The following CPNE3 variants were observed in gnomAD, a reference collection of about 807,000 sequenced individuals.
CPNE3 encodes copine 3.
A neutral mutation model predicts 63.9 loss-of-function variants in CPNE3; 68 were observed. That is an observed-to-expected ratio of 1.06 (90% CI 0.87 to 1.30). CPNE3 has a LOEUF of 1.30. CPNE3 is among the 50% of genes most tolerant of loss of function. The probability of loss-of-function intolerance (pLI) is 0.00; values close to 1 mark genes in which losing one functional copy is unlikely to be tolerated. For synonymous variants in CPNE3, 219 were observed against 197.5 expected (o/e 1.11, Z -0.91); for missense variants, 665 against 578.1 (o/e 1.15, Z -1.54).
rs1461202685 is a variant in CPNE3, at chr8:86,534,913, T to C, written c.459+2333T>C. Among the ~76,000 whole-genome samples the C allele has an allele frequency of 2.6e-5, 4 of 152,206 alleles. No homozygotes were observed. The East Asian group carries it at 7.7e-4, about 29-fold the overall frequency. On this transcript the variant is annotated intron_variant, in intron 6 of 16. Transcript: ENST00000517490. The stretch of plus-strand genomic sequence containing the variant: ...AAGTTTTTATGTTTGTGTGTTTTGT[T>C]CTGTTTTAGAATTGCTGTAAAGTAA...
intron 14 of CPNE3, chr8:86,553,887 G>C (rs537962303): frequency 3.9e-5 from 6 of 152,216 alleles, no homozygotes; most frequent in African/African-American, 1.4e-4. Context: ...GCTTGTGTGG[G>C]ATACAAGTTT....
chr8:86,520,385 G>A (rs1329378436), intron 2 of CPNE3, among the ~76,000 whole-genome samples: 1 of 151,758 alleles, frequency 6.6e-6, no homozygotes, highest in Non-Finnish European at 1.5e-5. Context: ...GTGAAACCCC[G>A]TCTCTACTAA....
Position 86,558,431 on chromosome 8 carries a change from T to G in CPNE3, c.*21T>G. ...AGTGACCACTTCAACAGAATTCTTT[T>G]GTGTTATGTGGAGCAATGCCATCTC... On this transcript the variant is annotated 3_prime_UTR_variant, in exon 17 of 17. Coordinates refer to ENST00000517490, the MANE Select transcript of CPNE3 (RefSeq NM_003909.5). The G allele has an allele frequency of 1.1e-6, 1 of 872,824 alleles. No homozygotes were observed. Among genetic ancestry groups the G allele is most frequent in the Non-Finnish European group, 2.0e-6 (1 of 501,538 alleles). The allele number at this position is 872,824 out of a possible 1,614,324, so 54.1% of individuals were successfully genotyped here. A position where few individuals can be genotyped will look rare whatever the true frequency, so the allele number is the denominator to read the frequency against.
intron 1 of CPNE3, chr8:86,515,223 C>G (rs1381003039): frequency 6.6e-6 from 1 of 152,224 alleles, no homozygotes; most frequent in Non-Finnish European, 1.5e-5. Flanking sequence ...CCGTTGGGAC[C>G]GAGCAGATCA....
chr8:86,544,913 C>A, intron 9 of CPNE3, 75 bp downstream of exon 9: 1 of 826,862 alleles, frequency 1.2e-6, no homozygotes, highest in South Asian at 2.0e-5. Flanking sequence ...ATTTTTTTCC[C>A]ATAGCATCAA....
chr8:86,519,991 C>T (rs543142399), intron 2 of CPNE3, among the ~76,000 whole-genome samples: 3 of 152,262 alleles, frequency 2.0e-5, no homozygotes, highest in African/African-American at 7.2e-5. Flanking sequence ...GGATTACAGG[C>T]GTGAGCCACC....
At chr8:86,540,410 A>T in intron 8 of CPNE3, 76 bp downstream of exon 8, 1 of 663,340 alleles carries the variant, frequency 1.5e-6, no homozygotes, top group Admixed American at 3.5e-5. Context: ...AATACATAAG[A>T]TAGTATTTAA....
At chr8:86,552,629 T>A (rs1333106049) in intron 14 of CPNE3, among the ~76,000 whole-genome samples, 1 of 151,790 alleles carries the variant, frequency 6.6e-6, no homozygotes, top group African/African-American at 2.4e-5. Flanking sequence ...AAGGAGATAC[T>A]ATACAGCAAA....
intron 2 of CPNE3, 56 bp downstream of exon 2, chr8:86,515,555 CT>C (rs1820278836): frequency 6.6e-6 from 1 of 152,174 alleles, no homozygotes; most frequent in Non-Finnish European, 1.5e-5. Flanking sequence ...AGGGCACAGG[CT>C]TTATTGCTTA....
chr8:86,532,359 T>C, intron 5 of CPNE3, 150 bp from the exon 6 acceptor site: 2 of 525,806 alleles, frequency 3.8e-6, no homozygotes, highest in Middle Eastern at 1.1e-3. Flanking sequence ...ATGGTAGATC[T>C]TTTTTAATGA....
chr8:86,539,805 G>A (rs1477064848), intron 7 of CPNE3, among the ~76,000 whole-genome samples: 2 of 151,574 alleles, frequency 1.3e-5, no homozygotes, highest in African/African-American at 4.9e-5. Flanking sequence ...TAGGATTATA[G>A]GCATGCACCA....
intron 2 of CPNE3, among the ~76,000 whole-genome samples, chr8:86,527,233 A>C (rs1050552705): frequency 2.6e-5 from 4 of 152,162 alleles, no homozygotes; most frequent in African/African-American, 7.2e-5. Flanking sequence ...TCCCTCCTGC[A>C]GAACCTGCCC....
At chr8:86,538,075 T>C (rs537678278) in intron 7 of CPNE3, among the ~76,000 whole-genome samples, 2 of 152,230 alleles carry the variant, frequency 1.3e-5, no homozygotes, top group African/African-American at 2.4e-5. Context: ...ATAACTCTTA[T>C]CTTTAAATGC....
chr8:86,531,074 G>T, intron 4 of CPNE3, 81 bp from the exon 5 acceptor site: 1 of 757,590 alleles, frequency 1.3e-6, no homozygotes, highest in South Asian at 1.5e-5. Context: ...CTTATACTCA[G>T]TCTTTTTTGC....
At chr8:86,518,345 A>T (rs917146606) in intron 2 of CPNE3, among the ~76,000 whole-genome samples, 3 of 152,176 alleles carry the variant, frequency 2.0e-5, no homozygotes, top group Admixed American at 1.3e-4. Context: ...GGGGAATGAG[A>T]ACCCCAGGAG....
At chr8:86,552,834 T>A (rs1048428499) in intron 14 of CPNE3, among the ~76,000 whole-genome samples, 2 of 140,920 alleles carry the variant, frequency 1.4e-5, no homozygotes, top group African/African-American at 2.5e-5. Flanking sequence ...ATTATTATTA[T>A]TAATTTTTTT....
chr8:86,535,794 T>TA (rs1820790223), intron 6 of CPNE3, among the ~76,000 whole-genome samples: 1 of 152,210 alleles, frequency 6.6e-6, no homozygotes. Context: ...AGTTTTAGAA[T>TA]AAAAATATCA....
intron 6 of CPNE3, among the ~76,000 whole-genome samples, chr8:86,535,320 C>CT (rs59696136): frequency 0.32 from 45,898 of 142,700 alleles, 8,317 homozygotes; most frequent in Middle Eastern, 0.45. Flanking sequence ...ACAGAAAAGA[C>CT]TTTTTTTTTT....
chr8:86,555,085 C>T (rs1298272122), intron 15 of CPNE3, 101 bp downstream of exon 15: 1 of 1,491,838 alleles, frequency 6.7e-7, no homozygotes, highest in Admixed American at 2.1e-5. Flanking sequence ...AAAGTCAGGG[C>T]AAGATACAAT....
Sources: allele counts gnomAD v4.1 joint callset (sites outside exome capture counted in the v4.1 genomes callset), GRCh38; gene constraint gnomAD v4.1.1; transcripts MANE v1.5; gene names NCBI Gene and HGNC (gene_info 2026-07-23, HGNC 2026-07-21).